The following DLGAP3 variants were observed in gnomAD, a reference collection of about 807,000 sequenced individuals.
DLGAP3 encodes the protein DLG associated protein 3.
DLGAP3 carries 17 observed loss-of-function variants against 81.2 expected under a neutral mutation model. The ratio of observed to expected loss-of-function variants is 0.21; its 90% confidence interval spans 0.14 to 0.31. The LOEUF is 0.31. Among genes scored for constraint, DLGAP3 ranks in the 10% least tolerant of loss-of-function variants. The pLI is 1.00. For synonymous variants in DLGAP3, 577 were observed against 587.4 expected (o/e 0.98, Z 0.26); for missense variants, 1,124 against 1,388.0 (o/e 0.81, Z 3.02).
chr1:34,927,085 C>T (rs903640952), intron 1 of DLGAP3, among the ~76,000 whole-genome samples: 6 of 152,134 alleles, frequency 3.9e-5, no homozygotes, highest in Non-Finnish European at 8.8e-5. Flanking sequence ...GGAATCAAGA[C>T]AAGACAAGCC....
rs1348350102 is a variant in DLGAP3 at position 34,873,845 on chromosome 1, T to TTGGC, written c.2001-4757_2001-4756insGCCA. Among the ~76,000 whole-genome samples the TTGGC allele has an allele frequency of 9.2e-5, 14 of 152,030 alleles. No individual in the cohort carries two copies. In the South Asian group the frequency reaches 2.9e-3, roughly 32 times the overall value. ...GTTGGTTGGTTGGTTGGTTGGTTGGTTGGTTGGAAGGAAGGATGGTAGAGA... is the reference window on the plus strand; with the variant it reads ...GTTGGTTGGTTGGTTGGTTGGTTGGTTGGCTGGTTGGAAGGAAGGATGGTAGAGA... On this transcript the variant is annotated intron_variant, in intron 8 of 11. Coordinates refer to ENST00000373347, the MANE Select transcript of DLGAP3 (RefSeq NM_001080418.3). The surrounding 1 kb of genome is among the most constrained non-coding windows in gnomAD (Gnocchi z 4.2).
chr1:34,913,819 G>C (rs1463352775), intron 1 of DLGAP3, among the ~76,000 whole-genome samples: 1 of 152,144 alleles, frequency 6.6e-6, no homozygotes, highest in African/African-American at 2.4e-5. Flanking sequence ...CAAAGGCTTT[G>C]GAGAGTCCTG....
intron 8 of DLGAP3, among the ~76,000 whole-genome samples, chr1:34,881,525 T>C (rs1284490450): frequency 1.3e-5 from 2 of 152,004 alleles, no homozygotes; most frequent in Non-Finnish European, 2.9e-5. Flanking sequence ...GAACTTAAGG[T>C]CCCTAGACAT....
At chr1:34,908,048 C>G (rs1012689842) in intron 1 of DLGAP3, among the ~76,000 whole-genome samples, 2 of 152,226 alleles carry the variant, frequency 1.3e-5, no homozygotes, top group East Asian at 3.9e-4. Context: ...TTATAACACC[C>G]TGGGTGTCCC....
At position 34,868,942 on chromosome 1, in the gene DLGAP3, G is replaced by T; in HGVS notation, c.2148C>A (p.Pro716=). ...AGGTGGGGGCCCGGGGCCCAGGCTGGGGCTCAGAGGCGTGCCTCTGGAAGG... is the reference window on the plus strand; with the variant it reads ...AGGTGGGGGCCCGGGGCCCAGGCTGTGGCTCAGAGGCGTGCCTCTGGAAGG... ...GRSFQRHASE[P]QPGPRAPTYS... Residue 716 remains proline (P), a synonymous_variant, in exon 9 of 12, where the codon CCC becomes CCA. Transcript: ENST00000373347. This position sits in a 1 kb window ranked among gnomAD's most constrained non-coding sequence, Gnocchi z 7.5. The T allele has an allele frequency of 5.6e-6, 9 of 1,609,828 alleles. No individual in the cohort carries two copies. Among genetic ancestry groups the T allele is most frequent in the South Asian group, 1.1e-5 (1 of 91,064 alleles).
rs1282970075 is a variant in DLGAP3 at position 34,866,305 on chromosome 1, C to A, written c.2722-4G>T. ...GCGGAGGGACCTTCTTCTCCTCCTG[C>A]GGGGCAGAGGGCGTCGCTGAGCTGG... On this transcript the variant is annotated splice_polypyrimidine_tract_variant and splice_region_variant and intron_variant, in intron 11 of 11. Coordinates refer to ENST00000373347, the MANE Select transcript of DLGAP3 (RefSeq NM_001080418.3). 1.3e-6 allele frequency: 2 copies of A among 1,517,272 alleles called. No homozygotes were observed. The highest frequency in any genetic ancestry group is 1.8e-6 in the Non-Finnish European group (2 of 1,132,376). 94.0% of individuals were successfully genotyped at this position (1,517,272 alleles called of 1,614,324 possible).
At chr1:34,901,949 G>A (rs1301223535) in intron 3 of DLGAP3, among the ~76,000 whole-genome samples, 1 of 152,188 alleles carries the variant, frequency 6.6e-6, no homozygotes, top group Non-Finnish European at 1.5e-5. Flanking sequence ...ACAGTTCAGG[G>A]ATGGAGGGGG....
In DLGAP3 at chr1:34,900,350, G is replaced by C; in HGVS notation, c.1108-77C>G. ...GGCCAGGACTCTTTCCCCACTGCCA[G>C]TGGGAGATGCCCTGCCCTGGCTTGA... On this transcript the variant is annotated intron_variant, in intron 3 of 11. Transcript: ENST00000373347. This position sits in a 1 kb window ranked among gnomAD's most constrained non-coding sequence, Gnocchi z 5.6. 1 of 1,460,634 alleles carries C rather than the reference G, an allele frequency of 6.8e-7. No homozygotes were observed. The highest frequency in any genetic ancestry group is 1.4e-5 in the African/African-American group (1 of 72,480). The allele number at this position is 1,460,634 out of a possible 1,614,324, so 90.5% of individuals were successfully genotyped here.
chr1:34,888,702 A>G (rs1159162802), intron 5 of DLGAP3, among the ~76,000 whole-genome samples: 1 of 151,676 alleles, frequency 6.6e-6, no homozygotes, highest in African/African-American at 2.4e-5. Context: ...AAGTTCTCTC[A>G]TATTTGACTG....
chr1:34,915,921 G>T (rs912908323), intron 1 of DLGAP3, among the ~76,000 whole-genome samples: 6 of 152,104 alleles, frequency 3.9e-5, no homozygotes, highest in African/African-American at 1.4e-4. Flanking sequence ...CCCTAAAATT[G>T]CCCTCCCATC....
Position 34,904,234 on chromosome 1 carries a change from T to G in DLGAP3, c.1107+43A>C. On this transcript the variant is annotated intron_variant, in intron 3 of 11. Transcript: ENST00000373347. The surrounding 1 kb of genome is among the most constrained non-coding windows in gnomAD (Gnocchi z 8.1). ...ACTGCTCCCTAGTTGACAAGACTGG[T>G]GAAGGCTAAGGACTCTGTTCCCCAA... The G allele has an allele frequency of 6.3e-7, 1 of 1,598,658 alleles. No individual in the cohort carries two copies. Among genetic ancestry groups the G allele is most frequent in the Non-Finnish European group, 8.5e-7 (1 of 1,179,272 alleles).
At chr1:34,883,716 G>A (rs1304447630) in intron 8 of DLGAP3, among the ~76,000 whole-genome samples, 1 of 150,632 alleles carries the variant, frequency 6.6e-6, no homozygotes, top group Non-Finnish European at 1.5e-5. Flanking sequence ...GGCATTTACA[G>A]CCCCAGGAGC....
At chr1:34,925,881 T>C (rs1395106387) in intron 1 of DLGAP3, among the ~76,000 whole-genome samples, 2 of 152,066 alleles carry the variant, frequency 1.3e-5, no homozygotes, top group Admixed American at 6.5e-5. Flanking sequence ...TGAAGCTGCA[T>C]CAGAAAAAGA....
intron 5 of DLGAP3, among the ~76,000 whole-genome samples, chr1:34,891,837 A>C (rs1639315483): frequency 4.6e-5 from 7 of 152,274 alleles, no homozygotes; most frequent in Admixed American, 4.6e-4. Context: ...AACTGAATGG[A>C]AACATCAGAG....
intron 5 of DLGAP3, among the ~76,000 whole-genome samples, chr1:34,890,653 G>A (rs980681605): frequency 6.6e-6 from 1 of 152,180 alleles, no homozygotes; most frequent in Non-Finnish European, 1.5e-5. Context: ...GATGTCCCTG[G>A]TTAGTAGCCA....
chr1:34,910,827 C>G (rs897573862), intron 1 of DLGAP3, among the ~76,000 whole-genome samples: 1 of 152,130 alleles, frequency 6.6e-6, no homozygotes, highest in Non-Finnish European at 1.5e-5. Flanking sequence ...TCCATCTCTC[C>G]CATTAGAATG....
In DLGAP3 at chr1:34,867,246, G is replaced by A; in HGVS notation, c.2578-55C>T. The A allele has an allele frequency of 6.2e-7, 1 of 1,611,052 alleles. No individual in the cohort carries two copies. Among genetic ancestry groups the A allele is most frequent in the South Asian group, 1.1e-5 (1 of 91,012 alleles). On this transcript the variant is annotated intron_variant, in intron 10 of 11. Coordinates refer to ENST00000373347, the MANE Select transcript of DLGAP3 (RefSeq NM_001080418.3). The surrounding 1 kb of genome is among the most constrained non-coding windows in gnomAD (Gnocchi z 4.3). The stretch of plus-strand genomic sequence containing the variant: ...ATTGGTCAAGGAGGTCTGAGCCCCA[G>A]CCAGGACAAGAGAAAGTCCTATCCA...
At chr1:34,920,783 T>C (rs996073110) in intron 1 of DLGAP3, among the ~76,000 whole-genome samples, 1 of 152,216 alleles carries the variant, frequency 6.6e-6, no homozygotes, top group African/African-American at 2.4e-5. Context: ...TTCTGGACAC[T>C]GTAGATACAG....
At chr1:34,893,235 T>C (rs1228391037) in intron 5 of DLGAP3, among the ~76,000 whole-genome samples, 1 of 150,324 alleles carries the variant, frequency 6.7e-6, no homozygotes, top group Non-Finnish European at 1.5e-5. Context: ...TGGTATATTC[T>C]AAGTGCTGAA....
Sources: gnomAD v4.1 joint callset for allele counts (sites outside exome capture counted in the v4.1 genomes callset) on GRCh38, gnomAD v4.1.1 for gene constraint, Gnocchi (gnomAD v3.1) non-coding constraint, MANE v1.5 for transcripts, NCBI Gene and HGNC (gene_info 2026-07-23, HGNC 2026-07-21) for gene names.